Variants in AFF2 observed in about 807,000 individuals in gnomAD.
The protein encoded by AFF2 is ALF transcription elongation factor 2.
AFF2 carries 14 observed loss-of-function variants against 76.9 expected under a neutral mutation model. The observed-to-expected ratio is 0.18, with a 90% CI of 0.12 to 0.28. The LOEUF (loss-of-function observed/expected upper bound fraction) is 0.28. Ranked by LOEUF, AFF2 falls within the 10% of genes least tolerant of loss-of-function variation. The probability of loss-of-function intolerance (pLI) is 1.00; values close to 1 mark genes in which losing one functional copy is unlikely to be tolerated. For synonymous variants in AFF2, 398 were observed against 366.7 expected (o/e 1.09, Z -0.98); for missense variants, 868 against 1,001.1 (o/e 0.87, Z 1.79).
intron 7 of AFF2, among the ~76,000 whole-genome samples, chrX:148,849,599 C>T (rs1447861175): frequency 1.8e-5 from 2 of 110,791 alleles, no homozygotes; most frequent in African/African-American, 6.6e-5. Flanking sequence ...AGACTAGCAC[C>T]GACAATGCCA....
intron 9 of AFF2, among the ~76,000 whole-genome samples, chrX:148,912,673 A>T (rs181115656): frequency 3.7e-4 from 42 of 112,269 alleles, no homozygotes; most frequent in Admixed American, 3.7e-3. Flanking sequence ...TTATTTCTGG[A>T]TTCTCTATTC....
chrX:148,620,857 A>G (rs1409802333), intron 1 of AFF2, among the ~76,000 whole-genome samples: 1 of 111,897 alleles, frequency 8.9e-6, no homozygotes, highest in Non-Finnish European at 1.9e-5. Flanking sequence ...AACTCATACC[A>G]TAAAGGATGG....
intron 3 of AFF2, among the ~76,000 whole-genome samples, chrX:148,744,258 C>A (rs2055395748): frequency 9.0e-6 from 1 of 111,411 alleles, no homozygotes; most frequent in South Asian, 3.7e-4. Context: ...ATTACACAAC[C>A]AATGAGTGGA....
At chrX:148,649,711 G>A (rs909632656) in intron 1 of AFF2, among the ~76,000 whole-genome samples, 2 of 112,154 alleles carry the variant, frequency 1.8e-5, no homozygotes, top group Admixed American at 9.4e-5. Flanking sequence ...ACTGCTGATC[G>A]TTTGAAAGGT....
chrX:148,548,327 A>G (rs2052949604), intron 1 of AFF2, among the ~76,000 whole-genome samples: 1 of 112,418 alleles, frequency 8.9e-6, no homozygotes, highest in Non-Finnish European at 1.9e-5. Context: ...AGGTTTTGCC[A>G]TGCATAGAGC....
chrX:148,556,904 T>C (rs1291340884), intron 1 of AFF2, among the ~76,000 whole-genome samples: 1 of 112,342 alleles, frequency 8.9e-6, no homozygotes, highest in East Asian at 2.8e-4. Context: ...GGCTGGTTCT[T>C]TTTTAATATC....
intron 3 of AFF2, among the ~76,000 whole-genome samples, chrX:148,756,986 G>T (rs1215494976): frequency 6.2e-5 from 7 of 112,172 alleles, no homozygotes; most frequent in South Asian, 7.4e-4. Context: ...GTCAGGTGGG[G>T]AACATAATAT....
In AFF2 at chrX:148,843,365, A is replaced by T. The variant is rs1390566625; in HGVS notation, c.1211-17A>T. On this transcript the variant is annotated splice_polypyrimidine_tract_variant and intron_variant, in intron 6 of 20. Transcript: ENST00000370460. ...GTAGGAACATGAACAGTAATTGTTT[A>T]TATCTTTTCTTTTCAGAGTGGAATG... The T allele has an allele frequency of 1.7e-6, 2 of 1,188,074 alleles. No individual in the cohort carries two copies. Among genetic ancestry groups the T allele is most frequent in the Non-Finnish European group, 2.3e-6 (2 of 878,244 alleles).
intron 1 of AFF2, among the ~76,000 whole-genome samples, chrX:148,516,465 TG>T (rs1557233820): frequency 8.9e-6 from 1 of 111,825 alleles, no homozygotes; most frequent in East Asian, 2.8e-4. Context: ...TAACTAATGT[TG>T]AAGCCTGATG....
intron 3 of AFF2, among the ~76,000 whole-genome samples, chrX:148,770,324 T>C (rs1297854314): frequency 8.9e-6 from 1 of 111,820 alleles, no homozygotes; most frequent in African/African-American, 3.3e-5. Flanking sequence ...GCTCATTCTA[T>C]ACGTGGACAT....
At chrX:148,686,557 G>GGAGCC (rs1203545942) in intron 3 of AFF2, among the ~76,000 whole-genome samples, 4 of 111,719 alleles carry the variant, frequency 3.6e-5, no homozygotes, top group Non-Finnish European at 7.5e-5. Context: ...CCAGCTGAGG[G>GGAGCC]ACCTTTGACA....
In AFF2 at chrX:148,993,653, T is replaced by C. The variant is rs2072559020; in HGVS notation, c.*2321T>C. 2 of 111,994 alleles carry C rather than the reference T, an allele frequency of 1.8e-5. No homozygotes were observed. Among genetic ancestry groups the C allele is most frequent in the Non-Finnish European group, 3.8e-5 (2 of 53,192 alleles). 9.2% of individuals were successfully genotyped at this position (111,994 alleles called of 1,213,427 possible). ...ACTTGTAGTTCTAGTTTCAGTGACT[T>C]GTTATATCTACTTACATACAACAGG... On this transcript the variant is annotated 3_prime_UTR_variant, in exon 21 of 21. Coordinates refer to ENST00000370460, the MANE Select transcript of AFF2 (RefSeq NM_002025.4).
chrX:148,900,061 A>G (rs1184797139), intron 8 of AFF2, among the ~76,000 whole-genome samples: 2 of 110,903 alleles, frequency 1.8e-5, no homozygotes, highest in African/African-American at 6.6e-5. Context: ...ATAGCAATTA[A>G]TTGAGTATAA....
intron 15 of AFF2, among the ~76,000 whole-genome samples, chrX:148,969,019 C>T (rs782789429): frequency 4.4e-5 from 5 of 112,875 alleles, no homozygotes; most frequent in Admixed American, 2.8e-4. Flanking sequence ...GGAGCATACA[C>T]ATGTTCCATT....
chrX:148,795,835 ATATATATATATATATATATATAT>A (rs2069971827), intron 3 of AFF2, among the ~76,000 whole-genome samples: 1 of 11,607 alleles, frequency 8.6e-5, no homozygotes, highest in South Asian at 6.6e-3. Flanking sequence ...AAAAAAAAAT[ATATATATATATATATATATATAT>A]ATATATATAT....
chrX:148,641,851 G>A (rs2054092406), intron 1 of AFF2, among the ~76,000 whole-genome samples: 1 of 111,563 alleles, frequency 9.0e-6, no homozygotes, highest in African/African-American at 3.3e-5. Flanking sequence ...CTCTTATAAG[G>A]ATGCCAGTCT....
chrX:148,671,511 G>A (rs2124478985), intron 3 of AFF2, among the ~76,000 whole-genome samples: 1 of 111,598 alleles, frequency 9.0e-6, no homozygotes, highest in Admixed American at 9.5e-5. Context: ...ACTCATTGGT[G>A]GGGTTGCTTA....
intron 3 of AFF2, among the ~76,000 whole-genome samples, chrX:148,697,413 G>C (rs1483416885): frequency 8.9e-6 from 1 of 112,105 alleles, no homozygotes; most frequent in Non-Finnish European, 1.9e-5. Flanking sequence ...TGTAGGCTGA[G>C]ATTTACTGTC....
intron 1 of AFF2, among the ~76,000 whole-genome samples, chrX:148,600,640 A>C (rs1557247948): frequency 1.8e-5 from 2 of 111,708 alleles, no homozygotes; most frequent in African/African-American, 6.5e-5. Context: ...TCACCATACA[A>C]AAGATATCAG....
Sources: gnomAD v4.1 joint callset for allele counts (sites outside exome capture counted in the v4.1 genomes callset) on GRCh38, gnomAD v4.1.1 for gene constraint, MANE v1.5 for transcripts, NCBI Gene and HGNC (gene_info 2026-07-23, HGNC 2026-07-21) for gene names.